EDEM1: variants seen among roughly 807,000 people sequenced by gnomAD.
EDEM1 encodes ER degradation-enhancing alpha-mannosidase-like protein 1.
In EDEM1, 67 loss-of-function variants were observed where a neutral mutation model predicts 74.4. That is an observed-to-expected ratio of 0.90 (90% CI 0.74 to 1.10). The LOEUF is 1.10. Ranked by LOEUF, EDEM1 falls within the 50% of genes least tolerant of loss-of-function variation. The pLI is 0.00. For missense variants in EDEM1, 926 were observed against 851.6 expected (o/e 1.09, Z -1.09); for synonymous variants, 382 against 335.9 (o/e 1.14, Z -1.50).
chr3:5,208,004 G>A, intron 7 of EDEM1, 89 bp from the exon 8 acceptor site: 3 of 1,442,234 alleles, frequency 2.1e-6, no homozygotes, highest in Non-Finnish European at 1.8e-6. Context: ...GAACTCGGGG[G>A]CAGAGGAGAG....
rs985249290 is a variant in EDEM1, at chr3:5,210,100, G to C, written c.1510-75G>C. 3 of 1,320,376 alleles carry C rather than the reference G, an allele frequency of 2.3e-6. No individual in the cohort carries two copies. In the African/African-American group the frequency reaches 4.4e-5, roughly 19 times the overall value. 81.8% of individuals were successfully genotyped at this position (1,320,376 alleles called of 1,614,324 possible). On this transcript the variant is annotated intron_variant, in intron 8 of 11. Transcript: ENST00000256497. Reference sequence around the variant, plus strand: ...CGACTCGTCTCCATGGGGAAGCCCCGCAGTCACCATGATGTTTGTCGATGG... The same window carrying C: ...CGACTCGTCTCCATGGGGAAGCCCCCCAGTCACCATGATGTTTGTCGATGG...
intron 5 of EDEM1, among the ~76,000 whole-genome samples, 157 bp from the exon 6 acceptor site, chr3:5,204,910 C>T (rs2055076362): frequency 6.6e-6 from 1 of 152,160 alleles, no homozygotes; most frequent in Non-Finnish European, 1.5e-5. Flanking sequence ...AGTGATAAGA[C>T]TGATAAAAAT....
chr3:5,210,124 G>A (rs758706824), intron 8 of EDEM1, 51 bp from the exon 9 acceptor site: 2 of 1,512,966 alleles, frequency 1.3e-6, no homozygotes, highest in Non-Finnish European at 9.2e-7. Flanking sequence ...GTTTGTCGAT[G>A]GCATGTCTTC....
chr3:5,210,120 C>T lies in EDEM1; in HGVS notation c.1510-55C>T, dbSNP rs62255914. On this transcript the variant is annotated intron_variant, in intron 8 of 11. Coordinates refer to ENST00000256497, the MANE Select transcript of EDEM1 (RefSeq NM_014674.3). ...GCCCCGCAGTCACCATGATGTTTGT[C>T]GATGGCATGTCTTCCAAGCCCATGC... 6.4e-3 allele frequency: 9,628 copies of T among 1,502,268 alleles called. 40 individuals are homozygous for T. Among genetic ancestry groups the T allele is most frequent in the Non-Finnish European group, 7.7e-3 (8,289 of 1,078,766 alleles). The allele number at this position is 1,502,268 out of a possible 1,614,324, so 93.1% of individuals were successfully genotyped here. A position where few individuals can be genotyped will look rare whatever the true frequency, so the allele number is the denominator to read the frequency against.
chr3:5,192,101 C>T (rs2054909007), intron 1 of EDEM1, among the ~76,000 whole-genome samples: 1 of 152,218 alleles, frequency 6.6e-6, no homozygotes, highest in Non-Finnish European at 1.5e-5. Flanking sequence ...GAGTCAGGCT[C>T]CTCTTGTTTC....
In EDEM1 at chr3:5,215,719, C is replaced by G. The variant is rs2055226400; in HGVS notation, c.1885-110C>G. The G allele has an allele frequency of 3.9e-6, 4 of 1,024,988 alleles. No individual in the cohort carries two copies. The East Asian group carries it at 7.4e-5, about 19-fold the overall frequency. 63.5% of individuals were successfully genotyped at this position (1,024,988 alleles called of 1,614,324 possible). On this transcript the variant is annotated intron_variant, in intron 11 of 11. Coordinates refer to ENST00000256497, the MANE Select transcript of EDEM1 (RefSeq NM_014674.3). ...AGGCAGCTTCCACAACAGTTACTTC[C>G]AAACGTCAGTAGTTCACAGGCTGAG...
Position 5,218,289 on chromosome 3 carries a change from T to C in EDEM1, c.*2371T>C, listed in dbSNP as rs2055265881. On this transcript the variant is annotated 3_prime_UTR_variant, in exon 12 of 12. Transcript: ENST00000256497. Reference sequence around the variant, plus strand: ...CTACCCCGTCCAAAGTTTGATGCTATGTAGTCAGTGGTTTGTGGGGCTGGA... The same window carrying C: ...CTACCCCGTCCAAAGTTTGATGCTACGTAGTCAGTGGTTTGTGGGGCTGGA... 1 of 152,026 alleles carries C rather than the reference T, an allele frequency of 6.6e-6. No individual in the cohort carries two copies. Among genetic ancestry groups the C allele is most frequent in the Non-Finnish European group, 1.5e-5 (1 of 68,046 alleles). The allele number at this position is 152,026 out of a possible 1,614,324, so 9.4% of individuals were successfully genotyped here.
At chr3:5,210,142 A>C in intron 8 of EDEM1, 33 bp from the exon 9 acceptor site, 1 of 1,591,826 alleles carries the variant, frequency 6.3e-7, no homozygotes, top group East Asian at 2.2e-5. Flanking sequence ...TTCCAAGCCC[A>C]TGCTGGATCA....
At chr3:5,204,502 C>T (rs985741007) in intron 5 of EDEM1, among the ~76,000 whole-genome samples, 1 of 152,046 alleles carries the variant, frequency 6.6e-6, no homozygotes, top group Non-Finnish European at 1.5e-5. Flanking sequence ...GTGAACCCCC[C>T]ATCTCAGCCT....
intron 1 of EDEM1, chr3:5,188,522 G>A: frequency 2.2e-6 from 1 of 447,486 alleles, no homozygotes; most frequent in Non-Finnish European, 3.7e-6. Context: ...TTCCTCTCCT[G>A]ATTCTCCCGG....
intron 4 of EDEM1, 123 bp from the exon 5 acceptor site, chr3:5,202,843 A>G (rs1254389745): frequency 2.7e-6 from 2 of 748,034 alleles, no homozygotes; most frequent in Non-Finnish European, 2.2e-6. Context: ...CTTGGAAGGC[A>G]GAGGGCAGAC....
chr3:5,205,165 A>C lies in EDEM1; in HGVS notation c.1141A>C (p.Ile381Leu). The C allele has an allele frequency of 6.2e-7, 1 of 1,614,226 alleles. No homozygotes were observed. The highest frequency in any genetic ancestry group is 2.2e-5 in the East Asian group (1 of 44,882). The change falls in exon 6 of 12, where the codon ATT becomes CTT. Residue 381 changes from isoleucine to leucine, a missense_variant. Physicochemically the swap from Ile to Leu is conservative, Grantham distance 5. Transcript: ENST00000256497. The part of the protein sequence containing the change: ...SFYEYLLKSY[I>L]LFGEKEDLEM... Reference sequence around the variant, plus strand: ...CTATGAATACCTCTTGAAATCTTACATTCTCTTTGGAGAAAAAGAAGACCT... The same window carrying C: ...CTATGAATACCTCTTGAAATCTTACCTTCTCTTTGGAGAAAAAGAAGACCT...
chr3:5,190,794 C>T (rs1009232336), intron 1 of EDEM1, among the ~76,000 whole-genome samples: 1 of 152,188 alleles, frequency 6.6e-6, no homozygotes, highest in Non-Finnish European at 1.5e-5. Context: ...TCACACTTGC[C>T]ACTTACAAAC....
intron 6 of EDEM1, among the ~76,000 whole-genome samples, chr3:5,205,875 C>G (rs113536453): frequency 0.016 from 2,498 of 151,622 alleles, 69 homozygotes; most frequent in African/African-American, 0.057. Flanking sequence ...GCTGTGCAAG[C>G]GTGTGGCTCG....
At chr3:5,204,941 T>C in intron 5 of EDEM1, 126 bp from the exon 6 acceptor site, 1 of 1,012,122 alleles carries the variant, frequency 9.9e-7, no homozygotes. Flanking sequence ...AGCAACCACC[T>C]CCTTCTCCTG....
rs2106600916 is a variant in EDEM1, at chr3:5,205,218, T to C, written c.1194T>C (p.Ser398=). Residue 398 remains serine, a synonymous_variant, in exon 6 of 12, where the codon AGT becomes AGC. Coordinates refer to ENST00000256497, the MANE Select transcript of EDEM1 (RefSeq NM_014674.3). The part of the protein sequence containing the change: ...DLEMFNAAYQ[S]IQNYLRRGRE... ...AAATGTTTAATGCTGCATATCAGAG[T>C]ATTCAGAACTACTTAAGAAGAGGGT... 6.2e-7 allele frequency: 1 copy of C among 1,614,010 alleles called. No individual in the cohort carries two copies. The highest frequency in any genetic ancestry group is 2.2e-5 in the East Asian group (1 of 44,882).
At chr3:5,206,063 G>A (rs922747586) in intron 6 of EDEM1, among the ~76,000 whole-genome samples, 10 of 152,166 alleles carry the variant, frequency 6.6e-5, no homozygotes, top group Admixed American at 2.6e-4. Context: ...GTGATAGAAA[G>A]GACAGTTACC....
At chr3:5,208,501 G>A (rs994706771) in intron 8 of EDEM1, among the ~76,000 whole-genome samples, 6 of 152,088 alleles carry the variant, frequency 3.9e-5, no homozygotes, top group African/African-American at 1.4e-4. Flanking sequence ...GCTGAATCAT[G>A]TTTTTACCGT....
rs1309450283 is a variant in EDEM1, at chr3:5,218,095, A to T, written c.*2177A>T. ...TAGGGAATAGGGATCTCATGCTTGC[A>T]AACTACACAATGCTGCAGGTGCTTC... On this transcript the variant is annotated 3_prime_UTR_variant, in exon 12 of 12. Coordinates refer to ENST00000256497, the MANE Select transcript of EDEM1 (RefSeq NM_014674.3). 1 of 152,230 alleles carries T rather than the reference A, an allele frequency of 6.6e-6. No homozygotes were observed. The allele number at this position is 152,230 out of a possible 1,614,324, so 9.4% of individuals were successfully genotyped here.
Sources: allele counts gnomAD v4.1 joint callset (sites outside exome capture counted in the v4.1 genomes callset), GRCh38; gene constraint gnomAD v4.1.1; transcripts MANE v1.5; gene names NCBI Gene and HGNC (gene_info 2026-07-23, HGNC 2026-07-21).